OXR1: variants seen among roughly 807,000 people sequenced by gnomAD.
OXR1 encodes the protein oxidation resistance 1.
OXR1 carries 41 observed loss-of-function variants against 104.6 expected under a neutral mutation model. The ratio of observed to expected loss-of-function variants is 0.39; its 90% confidence interval spans 0.31 to 0.51. The LOEUF (loss-of-function observed/expected upper bound fraction) is 0.51, where lower values mean the gene tolerates loss of function less well. Ranked by LOEUF, OXR1 falls within the 20% of genes least tolerant of loss-of-function variation. The pLI is 0.77. For missense variants in OXR1, 955 were observed against 1,031.9 expected (o/e 0.93, Z 1.02); for synonymous variants, 348 against 348.4 (o/e 1.00, Z 0.01).
In OXR1 at chr8:106,740,280, A is replaced by G. The variant is rs1025164237; in HGVS notation, c.2164-63A>G. The G allele has an allele frequency of 5.5e-6, 7 of 1,282,840 alleles. No homozygotes were observed. The African/African-American group carries it at 9.0e-5, about 16-fold the overall frequency. 79.5% of individuals were successfully genotyped at this position (1,282,840 alleles called of 1,614,324 possible). ...TAGGCACCATTACATTCCAGCTGGC[A>G]TTAGTATTCTACATAATGAACAACA... On this transcript the variant is annotated intron_variant, in intron 13 of 16. Transcript: ENST00000517566.
chr8:106,434,434 G>T (rs936877010), intron 2 of OXR1, among the ~76,000 whole-genome samples: 2 of 152,192 alleles, frequency 1.3e-5, no homozygotes, highest in African/African-American at 4.8e-5. Flanking sequence ...ATTAAGGGTT[G>T]TAATTCTAGA....
At chr8:106,595,570 AG>A (rs758940666) in intron 3 of OXR1, among the ~76,000 whole-genome samples, 1 of 150,658 alleles carries the variant, frequency 6.6e-6, no homozygotes, top group Non-Finnish European at 1.5e-5. Flanking sequence ...AAAAAAAAAA[AG>A]AAAAGAAAAA....
At chr8:106,323,995 C>G (rs1359241590) in intron 1 of OXR1, among the ~76,000 whole-genome samples, 1 of 152,170 alleles carries the variant, frequency 6.6e-6, no homozygotes, top group Non-Finnish European at 1.5e-5. Flanking sequence ...TTCAACCCAG[C>G]AATCCCATTA....
intron 2 of OXR1, among the ~76,000 whole-genome samples, chr8:106,479,610 T>C (rs915965448): frequency 6.6e-6 from 1 of 152,016 alleles, no homozygotes; most frequent in African/African-American, 2.4e-5. Flanking sequence ...TTGCTTTCTT[T>C]GCACAAGCAC....
intron 2 of OXR1, among the ~76,000 whole-genome samples, chr8:106,459,315 C>G (rs927947064): frequency 6.6e-6 from 1 of 152,062 alleles, no homozygotes; most frequent in African/African-American, 2.4e-5. Flanking sequence ...TCCCTGCCCT[C>G]TCTTATGTTT....
chr8:106,426,143 C>T (rs1164461235), intron 2 of OXR1, among the ~76,000 whole-genome samples: 2 of 152,160 alleles, frequency 1.3e-5, no homozygotes, highest in Non-Finnish European at 2.9e-5. Context: ...ACCTCAGCTG[C>T]TCCCTCATAT....
chr8:106,710,579 G>C (rs751297203), intron 9 of OXR1, 43 bp from the exon 10 acceptor site: 7 of 1,329,258 alleles, frequency 5.3e-6, no homozygotes, highest in Non-Finnish European at 7.0e-6. Context: ...CCTAAACTTG[G>C]TGTGTGAGAA....
chr8:106,652,941 T>TTAA (rs1489925367), intron 3 of OXR1, among the ~76,000 whole-genome samples: 3 of 151,502 alleles, frequency 2.0e-5, no homozygotes, highest in African/African-American at 7.2e-5. Context: ...AGAGCTGATA[T>TTAA]TAATATAAAT....
chr8:106,691,508 A>C (rs1273229643), intron 6 of OXR1, among the ~76,000 whole-genome samples: 1 of 151,632 alleles, frequency 6.6e-6, no homozygotes, highest in Non-Finnish European at 1.5e-5. Flanking sequence ...ACAAATTGGT[A>C]TTGCTATAGA....
intron 3 of OXR1, among the ~76,000 whole-genome samples, chr8:106,644,015 A>G (rs1267859592): frequency 2.6e-5 from 4 of 152,236 alleles, no homozygotes; most frequent in Non-Finnish European, 4.4e-5. Context: ...ATGGCATTTT[A>G]TGAGCCTACA....
chr8:106,292,071 G>A (rs1231598613), intron 1 of OXR1, among the ~76,000 whole-genome samples: 2 of 152,022 alleles, frequency 1.3e-5, no homozygotes, highest in Admixed American at 6.6e-5. Context: ...GCCCAACTGG[G>A]GTGTGAATCA....
intron 3 of OXR1, among the ~76,000 whole-genome samples, chr8:106,667,977 AAAAG>A (rs1826520732): frequency 6.6e-6 from 1 of 151,848 alleles, no homozygotes; most frequent in African/African-American, 2.4e-5. Context: ...AAAAAAAAAA[AAAAG>A]AAAAAAAATT....
At chr8:106,360,333 A>C (rs1212630079) in intron 2 of OXR1, among the ~76,000 whole-genome samples, 1 of 152,218 alleles carries the variant, frequency 6.6e-6, no homozygotes, top group Non-Finnish European at 1.5e-5. Context: ...ACATTTATAT[A>C]AATTTACAGT....
chr8:106,594,379 T>G (rs1819353877), intron 3 of OXR1, among the ~76,000 whole-genome samples: 1 of 152,192 alleles, frequency 6.6e-6, no homozygotes, highest in Admixed American at 6.5e-5. Flanking sequence ...CTGTTTCCAC[T>G]GGAAGTTTGT....
At chr8:106,736,993 T>C (rs539597995) in intron 11 of OXR1, among the ~76,000 whole-genome samples, 2 of 152,304 alleles carry the variant, frequency 1.3e-5, no homozygotes, top group Admixed American at 6.5e-5. Flanking sequence ...GGTTTTAAAA[T>C]GTACTTCTAT....
chr8:106,482,986 G>A (rs745582402), intron 2 of OXR1, among the ~76,000 whole-genome samples: 1 of 152,024 alleles, frequency 6.6e-6, no homozygotes, highest in African/African-American at 2.4e-5. Flanking sequence ...ACATGTGAAA[G>A]TGCTTTGAAA....
chr8:106,542,480 A>G (rs1280779940), intron 3 of OXR1, among the ~76,000 whole-genome samples: 1 of 152,160 alleles, frequency 6.6e-6, no homozygotes, highest in African/African-American at 2.4e-5. Flanking sequence ...TTAAGAAAAG[A>G]TGTGTTTTAC....
At chr8:106,480,260 CT>C (rs1444124065) in intron 2 of OXR1, among the ~76,000 whole-genome samples, 1 of 151,814 alleles carries the variant, frequency 6.6e-6, no homozygotes, top group Non-Finnish European at 1.5e-5. Flanking sequence ...GCTCTGATCT[CT>C]TTTTTTTCTG....
intron 1 of OXR1, among the ~76,000 whole-genome samples, chr8:106,280,032 A>G (rs1462090728): frequency 3.3e-5 from 5 of 152,310 alleles, no homozygotes; most frequent in African/African-American, 1.2e-4. Context: ...GGGGAAGAAT[A>G]GGCCATTTTG....
Sources: allele counts gnomAD v4.1 joint callset (sites outside exome capture counted in the v4.1 genomes callset), GRCh38; gene constraint gnomAD v4.1.1; transcripts MANE v1.5; gene names NCBI Gene and HGNC (gene_info 2026-07-23, HGNC 2026-07-21).